Variants in ATP2B2 observed in about 807,000 individuals in gnomAD.
The protein encoded by ATP2B2 is ATPase plasma membrane Ca2+ transporting 2, also known as plasma membrane calcium-transporting ATPase 2.
ATP2B2 carries 15 observed loss-of-function variants against 120.0 expected under a neutral mutation model. The observed-to-expected ratio is 0.12, with a 90% CI of 0.08 to 0.19. The LOEUF is 0.19. ATP2B2 is among the 10% of genes least tolerant of loss of function. The probability of loss-of-function intolerance (pLI) is 1.00; values close to 1 mark genes in which losing one functional copy is unlikely to be tolerated. For synonymous variants in ATP2B2, 694 were observed against 700.3 expected, an observed-to-expected ratio of 0.99 and a Z score of 0.14; for missense variants, 1,045 against 1,719.8, an observed-to-expected ratio of 0.61 and a Z score of 6.94.
chr3:10,647,445 C>T (rs1363221345), intron 1 of ATP2B2, among the ~76,000 whole-genome samples: 1 of 152,150 alleles, frequency 6.6e-6, no homozygotes, highest in Non-Finnish European at 1.5e-5. Flanking sequence ...CAAAACTTGC[C>T]ATTGAAGAAG....
intron 1 of ATP2B2, among the ~76,000 whole-genome samples, chr3:10,479,140 G>A (rs9877112): frequency 0.44 from 66,903 of 151,782 alleles, 16,016 homozygotes; most frequent in East Asian, 0.99. Context: ...TATCAGTGTG[G>A]AAACAGACTA....
chr3:10,349,244 G>A (rs1423727809), intron 16 of ATP2B2, among the ~76,000 whole-genome samples: 1 of 152,158 alleles, frequency 6.6e-6, no homozygotes, highest in East Asian at 1.9e-4. Flanking sequence ...CTTGAGGCCA[G>A]GAGTTTGCAA....
chr3:10,535,204 C>T (rs2067288854), intron 2 of ATP2B2, among the ~76,000 whole-genome samples: 1 of 152,030 alleles, frequency 6.6e-6, no homozygotes, highest in Non-Finnish European at 1.5e-5. Flanking sequence ...GCCCCCAGCC[C>T]TATTTGTAAC....
chr3:10,467,517 A>G (rs2064798520), intron 1 of ATP2B2, among the ~76,000 whole-genome samples: 1 of 152,208 alleles, frequency 6.6e-6, no homozygotes, highest in African/African-American at 2.4e-5. Flanking sequence ...CACAGTTGGC[A>G]CATGGCAAAA....
intron 2 of ATP2B2, among the ~76,000 whole-genome samples, chr3:10,424,676 T>G (rs2063092710): frequency 6.6e-6 from 1 of 152,134 alleles, no homozygotes; most frequent in Non-Finnish European, 1.5e-5. Flanking sequence ...AAATAAACGG[T>G]GGTACATCTA....
intron 16 of ATP2B2, among the ~76,000 whole-genome samples, chr3:10,349,817 G>A (rs907021741): frequency 2.0e-5 from 3 of 152,132 alleles, no homozygotes; most frequent in Non-Finnish European, 2.9e-5. Flanking sequence ...CATAGAACAC[G>A]TCTGTGGGCC....
chr3:10,555,414 A>G (rs1481542900), intron 2 of ATP2B2, among the ~76,000 whole-genome samples: 1 of 152,190 alleles, frequency 6.6e-6, no homozygotes, highest in Non-Finnish European at 1.5e-5. Context: ...GAAAACTCCT[A>G]TGTATCTGTC....
intron 2 of ATP2B2, among the ~76,000 whole-genome samples, chr3:10,412,553 G>A (rs143472206): frequency 7.0e-4 from 107 of 152,240 alleles, no homozygotes; most frequent in Non-Finnish European, 1.3e-3. Flanking sequence ...CCTCCACTCA[G>A]CACTGTGAGC....
chr3:10,633,462 A>G (rs987051926), intron 1 of ATP2B2, among the ~76,000 whole-genome samples: 2 of 152,196 alleles, frequency 1.3e-5, no homozygotes, highest in African/African-American at 4.8e-5. Context: ...TTTTAAGTTA[A>G]CAAGTCTTCA....
chr3:10,395,127 T>C (rs2061993057), intron 5 of ATP2B2, among the ~76,000 whole-genome samples: 1 of 152,190 alleles, frequency 6.6e-6, no homozygotes, highest in African/African-American at 2.4e-5. Flanking sequence ...TGTTGCAAGA[T>C]GAGGAGTCTG....
intron 1 of ATP2B2, among the ~76,000 whole-genome samples, chr3:10,466,266 C>T (rs1012979467): frequency 6.6e-6 from 1 of 152,198 alleles, no homozygotes; most frequent in African/African-American, 2.4e-5. Context: ...ATCAGTGCAG[C>T]ACAGAATAGT....
intron 1 of ATP2B2, among the ~76,000 whole-genome samples, chr3:10,652,484 C>T (rs1343624527): frequency 5.9e-5 from 9 of 152,294 alleles, no homozygotes; most frequent in East Asian, 1.9e-4. Flanking sequence ...TGTTACAGGG[C>T]GCCCTGAATC....
chr3:10,571,226 C>T (rs539387884), intron 2 of ATP2B2, among the ~76,000 whole-genome samples: 12 of 152,168 alleles, frequency 7.9e-5, no homozygotes, highest in Admixed American at 6.5e-5. Flanking sequence ...ATGCCATTGC[C>T]GTGGGGTTCT....
At chr3:10,451,780 A>G (rs968773054) in intron 1 of ATP2B2, among the ~76,000 whole-genome samples, 1 of 152,230 alleles carries the variant, frequency 6.6e-6, no homozygotes, top group Non-Finnish European at 1.5e-5. Flanking sequence ...GATGGAACAC[A>G]CACCATCCAC....
chr3:10,662,684 C>T (rs1301126882), intron 1 of ATP2B2, among the ~76,000 whole-genome samples: 4 of 152,036 alleles, frequency 2.6e-5, no homozygotes, highest in South Asian at 4.2e-4. Context: ...GACTGTGTGG[C>T]GGTTCTTCAA....
At chr3:10,440,213 C>T (rs2063617837) in intron 2 of ATP2B2, among the ~76,000 whole-genome samples, 1 of 149,852 alleles carries the variant, frequency 6.7e-6, no homozygotes, top group South Asian at 2.1e-4. Context: ...TCCTGTAGGG[C>T]ACTTCTGTGG....
chr3:10,658,410 G>C lies in ATP2B2; in HGVS notation c.-459-38449C>G, dbSNP rs976809240. ...AGAGAAGTCCTTAAATGACCTGATGGAGCTGAAAACCATGGCATGAGAACT... is the reference window on the plus strand; with the variant it reads ...AGAGAAGTCCTTAAATGACCTGATGCAGCTGAAAACCATGGCATGAGAACT... On this transcript the variant is annotated intron_variant, in intron 1 of 21. Transcript: ENST00000646379. Among the ~76,000 whole-genome samples the C allele has an allele frequency of 3.3e-5, 5 of 152,158 alleles. No individual in the cohort carries two copies. The East Asian group carries it at 9.6e-4, about 29-fold the overall frequency.
chr3:10,471,160 G>C (rs532418141), intron 1 of ATP2B2, among the ~76,000 whole-genome samples: 2 of 152,306 alleles, frequency 1.3e-5, no homozygotes, highest in Admixed American at 1.3e-4. Context: ...CAGGGAACCC[G>C]CTCAGAAGCC....
At position 10,347,244 on chromosome 3, in the gene ATP2B2, C is replaced by T. The variant is rs1479281420; in HGVS notation, c.2405-1107G>A. 2.0e-5 allele frequency among the ~76,000 whole-genome samples: 3 copies of T among 152,222 alleles called. No individual in the cohort carries two copies. The highest frequency in any genetic ancestry group is 7.2e-5 in the African/African-American group (3 of 41,456). ...GTCCCACAGAGCTAGCTCTCACTGG[C>T]CCTGTGTCTGGGCAGGCTGTTCCCT... is the stretch of plus-strand genomic sequence containing the variant. On this transcript the variant is annotated intron_variant, in intron 16 of 22. Transcript: ENST00000360273. This position sits in a 1 kb window ranked among gnomAD's most constrained non-coding sequence, Gnocchi z 5.2.
Sources: gnomAD v4.1 joint callset for allele counts (sites outside exome capture counted in the v4.1 genomes callset) on GRCh38, gnomAD v4.1.1 for gene constraint, Gnocchi (gnomAD v3.1) non-coding constraint, MANE v1.5 for transcripts, NCBI Gene and HGNC (gene_info 2026-07-23, HGNC 2026-07-21) for gene names.